Variants in MEF2C observed in about 807,000 individuals in gnomAD.
MEF2C encodes myocyte enhancer factor 2C, also known as myocyte-specific enhancer factor 2C.
In MEF2C, 6 loss-of-function variants were observed where a neutral mutation model predicts 50.5. The observed-to-expected ratio is 0.12, with a 90% CI of 0.07 to 0.23. MEF2C has a LOEUF of 0.23. Among genes scored for constraint, MEF2C ranks in the 10% least tolerant of loss-of-function variants. The pLI is 1.00. For missense variants in MEF2C, 276 were observed against 605.0 expected (o/e 0.46, Z 5.70); for synonymous variants, 183 against 228.0 (o/e 0.80, Z 1.78).
intron 9 of MEF2C, 57 bp downstream of exon 9, chr5:88,729,161 C>G: frequency 6.2e-7 from 1 of 1,602,818 alleles, no homozygotes; most frequent in Middle Eastern, 1.7e-4. Flanking sequence ...ACTTTTTCAT[C>G]TTGATTTTCA....
chr5:88,822,355 T>C (rs1808797617), intron 2 of MEF2C, among the ~76,000 whole-genome samples: 1 of 151,952 alleles, frequency 6.6e-6, no homozygotes, highest in Non-Finnish European at 1.5e-5. Context: ...AATTAAAAAA[T>C]AGCGGTTTTC....
At position 88,749,083 on chromosome 5, in the gene MEF2C, T is replaced by C. The variant is rs758981927; in HGVS notation, c.624A>G (p.Ala208=). The C allele has an allele frequency of 1.9e-6, 3 of 1,574,918 alleles. No homozygotes were observed. The highest frequency in any genetic ancestry group is 1.7e-4 in the Middle Eastern group (1 of 6,020). ...GTCTGGGCTTACCTGCACTGGTGCC[T>C]GCACCAGACGTGAGGTCTCCACCCA... ...GLMGGDLTSG[A]GTSAGNGYGN... The change falls in exon 6 of 11, where the codon GCA becomes GCG. Residue 208 remains alanine, a synonymous_variant. Transcript: ENST00000504921.
intron 6 of MEF2C, chr5:88,738,606 G>T (rs910684890): frequency 1.0e-6 from 1 of 984,606 alleles, no homozygotes. Flanking sequence ...ACACTACACT[G>T]CTCCTTCAGA....
intron 6 of MEF2C, chr5:88,748,131 A>G (rs971034966): frequency 1.5e-5 from 15 of 982,378 alleles, no homozygotes; most frequent in Non-Finnish European, 1.8e-5. Context: ...CCTCAAATAG[A>G]TATATTTATA....
rs557317896 is a variant in MEF2C at position 88,798,790 on chromosome 5, G to T, written c.258+5808C>A. 6.6e-5 allele frequency among the ~76,000 whole-genome samples: 10 copies of T among 152,196 alleles called. No homozygotes were observed. The East Asian group carries it at 1.7e-3, about 27-fold the overall frequency. On this transcript the variant is annotated intron_variant, in intron 3 of 10. Transcript: ENST00000504921. Reference sequence around the variant, plus strand: ...CATCTTCATGGATTTATCTACCTTTGGTCTTTGATGCTGGTGACCTTTGGA... The same window carrying T: ...CATCTTCATGGATTTATCTACCTTTTGTCTTTGATGCTGGTGACCTTTGGA...
chr5:88,899,394 GA>G (rs893004155), intron 1 of MEF2C, among the ~76,000 whole-genome samples: 12 of 152,136 alleles, frequency 7.9e-5, no homozygotes, highest in African/African-American at 2.9e-4. Context: ...TTCCTCACAT[GA>G]AACAGAGGAA....
chr5:88,765,202 G>A (rs1177830781), intron 3 of MEF2C, among the ~76,000 whole-genome samples: 1 of 152,092 alleles, frequency 6.6e-6, no homozygotes, highest in Non-Finnish European at 1.5e-5. Flanking sequence ...TTAAAAAAGA[G>A]CATTTTGAGA....
intron 3 of MEF2C, among the ~76,000 whole-genome samples, chr5:88,766,224 T>C (rs1779979780): frequency 6.6e-6 from 1 of 152,060 alleles, no homozygotes; most frequent in Non-Finnish European, 1.5e-5. Context: ...TCTAATGAAA[T>C]AGAATTTCAT....
At chr5:88,727,902 A>T (rs1759618978) in intron 10 of MEF2C, among the ~76,000 whole-genome samples, 1 of 152,046 alleles carries the variant, frequency 6.6e-6, no homozygotes, top group Admixed American at 6.6e-5. Context: ...AACTACCACA[A>T]GGGGGCAGAA....
At chr5:88,871,162 AGTT>A (rs1829387982) in intron 1 of MEF2C, among the ~76,000 whole-genome samples, 1 of 152,022 alleles carries the variant, frequency 6.6e-6, no homozygotes, top group South Asian at 2.1e-4. Context: ...CTGAAGATGA[AGTT>A]GTTTAATAGA....
At position 88,857,051 on chromosome 5, in the gene MEF2C, T is replaced by C. The variant is rs1007377325; in HGVS notation, c.-143+25904A>G. Among the ~76,000 whole-genome samples the C allele has an allele frequency of 3.5e-4, 53 of 152,104 alleles. 1 individual carries two copies. The highest frequency in any genetic ancestry group is 3.3e-3 in the Admixed American group (50 of 15,268). ...TGCCAGCCTGAGAAAGCAGCCAGGA[T>C]TGGGGGGCTGGGGGGCTATACCCTG... On this transcript the variant is annotated intron_variant, in intron 1 of 10. Transcript: ENST00000504921.
chr5:88,725,636 T>G (rs1396893709), intron 10 of MEF2C, among the ~76,000 whole-genome samples: 1 of 152,144 alleles, frequency 6.6e-6, no homozygotes, highest in African/African-American at 2.4e-5. Context: ...ATGCAAATTT[T>G]CATCTATTAC....
chr5:88,873,003 CTT>C (rs1431109473), intron 1 of MEF2C, among the ~76,000 whole-genome samples: 1 of 151,834 alleles, frequency 6.6e-6, no homozygotes, highest in Non-Finnish European at 1.5e-5. Flanking sequence ...TCCTTTCATG[CTT>C]TTTCTCTCTC....
chr5:88,818,743 T>C (rs1197567802), intron 2 of MEF2C, among the ~76,000 whole-genome samples: 1 of 151,924 alleles, frequency 6.6e-6, no homozygotes, highest in Non-Finnish European at 1.5e-5. Flanking sequence ...GAAGGCTCCT[T>C]TGTGCTCCTG....
chr5:88,723,620 A>G (rs545323856), intron 10 of MEF2C, among the ~76,000 whole-genome samples: 5 of 152,370 alleles, frequency 3.3e-5, no homozygotes, highest in African/African-American at 1.2e-4. Flanking sequence ...ATTAAAACTG[A>G]TAATTTGACT....
chr5:88,782,171 TA>T (rs1168205508), intron 3 of MEF2C: 3 of 981,576 alleles, frequency 3.1e-6, no homozygotes, highest in Non-Finnish European at 3.6e-6. Context: ...TTATATAGTT[TA>T]AAATAAACCT....
chr5:88,859,205 A>C (rs1216668378), intron 1 of MEF2C, among the ~76,000 whole-genome samples: 1 of 152,252 alleles, frequency 6.6e-6, no homozygotes, highest in African/African-American at 2.4e-5. Context: ...TCCATGAAAA[A>C]ATAAATTCTG....
At chr5:88,755,425 G>A (rs1250823367) in intron 4 of MEF2C, among the ~76,000 whole-genome samples, 3 of 152,164 alleles carry the variant, frequency 2.0e-5, no homozygotes, top group South Asian at 2.1e-4. Flanking sequence ...ATGCAACACA[G>A]TATAAGTTTT....
intron 1 of MEF2C, among the ~76,000 whole-genome samples, chr5:88,894,189 A>G (rs1233335496): frequency 6.6e-6 from 1 of 152,138 alleles, no homozygotes; most frequent in Non-Finnish European, 1.5e-5. Flanking sequence ...TATTGTCCCC[A>G]TTTTAAGATT....
Sources: gnomAD v4.1 joint callset for allele counts (sites outside exome capture counted in the v4.1 genomes callset) on GRCh38, gnomAD v4.1.1 for gene constraint, MANE v1.5 for transcripts, NCBI Gene and HGNC (gene_info 2026-07-23, HGNC 2026-07-21) for gene names.